The following RGS7 variants were observed in gnomAD, a reference collection of about 807,000 sequenced individuals.
The protein encoded by RGS7 is regulator of G protein signaling 7.
A neutral mutation model predicts 81.1 loss-of-function variants in RGS7; 27 were observed. The ratio of observed to expected loss-of-function variants is 0.33; its 90% CI spans 0.25 to 0.46. The LOEUF is 0.46. RGS7 is among the 20% of genes least tolerant of loss of function. The pLI, the probability that RGS7 is intolerant of heterozygous loss-of-function variation, is 1.00. For synonymous variants in RGS7, 208 were observed against 207.7 expected (o/e 1.00, Z -0.01); for missense variants, 396 against 607.4 (o/e 0.65, Z 3.66).
intron 9 of RGS7, among the ~76,000 whole-genome samples, chr1:240,864,303 T>C (rs1036978584): frequency 3.9e-5 from 6 of 152,210 alleles, no homozygotes; most frequent in African/African-American, 1.2e-4. Context: ...TTCCATATTA[T>C]GGAAGGGTGG....
chr1:241,298,012 A>G (rs2079526514), intron 2 of RGS7, among the ~76,000 whole-genome samples: 1 of 152,192 alleles, frequency 6.6e-6, no homozygotes, highest in Non-Finnish European at 1.5e-5. Flanking sequence ...AAATCAATAT[A>G]TTAATACTTT....
At chr1:241,190,248 A>C (rs757084205) in intron 2 of RGS7, among the ~76,000 whole-genome samples, 2 of 152,208 alleles carry the variant, frequency 1.3e-5, no homozygotes, top group Non-Finnish European at 2.9e-5. Context: ...AAGTCTTGAA[A>C]TGAGGCAGAT....
chr1:241,074,991 T>C (rs2062707490), intron 3 of RGS7, among the ~76,000 whole-genome samples: 1 of 152,164 alleles, frequency 6.6e-6, no homozygotes, highest in Non-Finnish European at 1.5e-5. Context: ...CCCACTGCAT[T>C]TGCCCCCCAC....
intron 18 of RGS7, among the ~76,000 whole-genome samples, chr1:240,791,744 T>C (rs1333239226): frequency 2.6e-5 from 4 of 152,176 alleles, no homozygotes; most frequent in African/African-American, 9.7e-5. Context: ...AACATATGAC[T>C]CCACTTTTGG....
At chr1:241,313,657 G>T (rs2080687000) in intron 2 of RGS7, among the ~76,000 whole-genome samples, 1 of 152,182 alleles carries the variant, frequency 6.6e-6, no homozygotes, top group African/African-American at 2.4e-5. Flanking sequence ...AATACATTTT[G>T]TAAGTCTATA....
At chr1:240,855,284 G>A (rs1489701737) in intron 9 of RGS7, among the ~76,000 whole-genome samples, 1 of 136,020 alleles carries the variant, frequency 7.4e-6, no homozygotes, top group African/African-American at 2.9e-5. Context: ...ATTCCAGCCT[G>A]GGCGACAGAG....
chr1:240,944,646 G>C (rs1452510057), intron 4 of RGS7, among the ~76,000 whole-genome samples: 1 of 152,064 alleles, frequency 6.6e-6, no homozygotes, highest in African/African-American at 2.4e-5. Context: ...GGAAAAAAAG[G>C]CTCAACTGCA....
intron 6 of RGS7, among the ~76,000 whole-genome samples, chr1:240,904,946 C>T (rs1670584319): frequency 6.6e-6 from 1 of 152,032 alleles, no homozygotes. Flanking sequence ...GGGTGCTTGC[C>T]CTTAAAAATT....
intron 2 of RGS7, among the ~76,000 whole-genome samples, chr1:241,275,517 T>C (rs1475115575): frequency 6.6e-6 from 1 of 152,210 alleles, no homozygotes; most frequent in Non-Finnish European, 1.5e-5. Context: ...GAATCCTCTA[T>C]GGTAGGAAAC....
chr1:241,161,572 GAC>G (rs1199615095), intron 2 of RGS7, among the ~76,000 whole-genome samples: 2 of 146,264 alleles, frequency 1.4e-5, no homozygotes, highest in Non-Finnish European at 3.0e-5. Flanking sequence ...ATGTGACCAT[GAC>G]ACATTAATAA....
At chr1:241,291,194 G>C (rs906684760) in intron 2 of RGS7, among the ~76,000 whole-genome samples, 1 of 152,166 alleles carries the variant, frequency 6.6e-6, no homozygotes, top group African/African-American at 2.4e-5. Context: ...GAACACAAAG[G>C]AGGAAGACCA....
At chr1:241,068,238 G>GTGTGTATATATATATATATATATATA in intron 3 of RGS7, among the ~76,000 whole-genome samples, 4 of 35,674 alleles carry the variant, frequency 1.1e-4, no homozygotes, top group Admixed American at 8.2e-4. Context: ...GTGTGTGTGT[G>GTGTGTATATATATATATATATATATA]TATATATATA....
rs981375509 is a variant in RGS7 at position 240,868,236 on chromosome 1, T to C, written c.609+351A>G. On this transcript the variant is annotated intron_variant, in intron 9 of 18. Coordinates refer to ENST00000440928, the MANE Select transcript of RGS7 (RefSeq NM_001364886.1). The surrounding 1 kb of genome is among the most constrained non-coding windows in gnomAD (Gnocchi z 5.1). ...GAGGGAAGGAAAATCAGGGCAGGAA[T>C]AACACTTGTACTATGAAGCCAGAAA... is the stretch of plus-strand genomic sequence containing the variant. 2.0e-5 allele frequency among the ~76,000 whole-genome samples: 3 copies of C among 151,900 alleles called. No individual in the cohort carries two copies. Among genetic ancestry groups the C allele is most frequent in the African/African-American group, 7.3e-5 (3 of 41,358 alleles).
chr1:240,921,818 G>C (rs796729234), intron 6 of RGS7, among the ~76,000 whole-genome samples: 1 of 152,160 alleles, frequency 6.6e-6, no homozygotes, highest in African/African-American at 2.4e-5. Context: ...ATTAAGATGT[G>C]AGTTCTTTCC....
intron 2 of RGS7, among the ~76,000 whole-genome samples, chr1:241,161,798 A>T (rs1163707883): frequency 6.6e-6 from 1 of 150,400 alleles, no homozygotes; most frequent in East Asian, 2.0e-4. Context: ...GCTCACTGCA[A>T]CCTCCACCTC....
rs990222866 is a variant in RGS7 at position 241,107,006 on chromosome 1, A to T, written c.79-8244T>A. 2.6e-5 allele frequency among the ~76,000 whole-genome samples: 4 copies of T among 151,880 alleles called. No homozygotes were observed. In the East Asian group the frequency reaches 5.8e-4, roughly 22 times the overall value. ...AATTATGCTCACTGTGTTTGTTGGG[A>T]TTACTTGGGTTGACAGAATCCCAAA... On this transcript the variant is annotated intron_variant, in intron 2 of 18. Coordinates refer to ENST00000440928, the MANE Select transcript of RGS7 (RefSeq NM_001364886.1).
chr1:240,967,571 G>C (rs976188477), intron 4 of RGS7, among the ~76,000 whole-genome samples: 6 of 130,000 alleles, frequency 4.6e-5, no homozygotes, highest in East Asian at 4.4e-4. Flanking sequence ...CAAGAAGTGG[G>C]GGGGGGGGGG....
At chr1:240,913,916 TTTA>T (rs932374320) in intron 6 of RGS7, among the ~76,000 whole-genome samples, 1 of 152,036 alleles carries the variant, frequency 6.6e-6, no homozygotes, top group African/African-American at 2.4e-5. Context: ...TTTTCTTTTT[TTTA>T]TTATTATTAT....
chr1:240,798,734 G>A (rs926260445), intron 18 of RGS7, among the ~76,000 whole-genome samples: 9 of 152,042 alleles, frequency 5.9e-5, no homozygotes, highest in East Asian at 5.8e-4. Flanking sequence ...ATTATAAAGC[G>A]CCCAGTGCAG....
Sources: allele counts gnomAD v4.1 joint callset (sites outside exome capture counted in the v4.1 genomes callset), GRCh38; gene constraint gnomAD v4.1.1; non-coding constraint Gnocchi (gnomAD v3.1); transcripts MANE v1.5; gene names NCBI Gene and HGNC (gene_info 2026-07-23, HGNC 2026-07-21).